The following THSD7A variants were observed in gnomAD, a reference collection of about 807,000 sequenced individuals.
THSD7A encodes the protein thrombospondin type-1 domain-containing protein 7A.
In THSD7A, 96 loss-of-function variants were observed where a neutral mutation model predicts 231.3. The observed-to-expected ratio is 0.41, with a 90% CI of 0.35 to 0.49. THSD7A has a LOEUF of 0.49. Ranked by LOEUF, THSD7A falls within the 20% of genes least tolerant of loss-of-function variation. THSD7A has a pLI of 0.05. For missense variants in THSD7A, 2,290 were observed against 2,070.2 expected, an observed-to-expected ratio of 1.11 and a Z score of -2.06; for synonymous variants, 940 against 743.3, an observed-to-expected ratio of 1.26 and a Z score of -4.30.
At chr7:11,622,370 T>G (rs931745918) in intron 2 of THSD7A, among the ~76,000 whole-genome samples, 1 of 152,218 alleles carries the variant, frequency 6.6e-6, no homozygotes, top group East Asian at 1.9e-4. Flanking sequence ...TTATTATTAA[T>G]AAAATTCATG....
At chr7:11,565,388 C>G (rs83) in intron 4 of THSD7A, among the ~76,000 whole-genome samples, 90,775 of 152,022 alleles carry the variant, frequency 0.6, 27,393 homozygotes, top group Middle Eastern at 0.71. Context: ...CACAGACTGT[C>G]GCTTAAACAC....
chr7:11,675,787 C>A (rs923863448), intron 1 of THSD7A, among the ~76,000 whole-genome samples: 3 of 152,184 alleles, frequency 2.0e-5, no homozygotes, highest in African/African-American at 7.2e-5. Flanking sequence ...AGATAAAACT[C>A]CCATCTCCCT....
chr7:11,495,625 T>C (rs1039386348), intron 6 of THSD7A, among the ~76,000 whole-genome samples: 1 of 152,114 alleles, frequency 6.6e-6, no homozygotes. Context: ...TAGAAGCCAT[T>C]ACAAAATCAA....
In THSD7A at chr7:11,705,964, A is replaced by G. The variant is rs192649028; in HGVS notation, c.191-69003T>C. Among the ~76,000 whole-genome samples, 13 of 151,138 alleles carry G rather than the reference A, an allele frequency of 8.6e-5. No individual in the cohort carries two copies. In the East Asian group the frequency reaches 2.6e-3, roughly 30 times the overall value. On this transcript the variant is annotated intron_variant, in intron 1 of 27. Coordinates refer to ENST00000423059, the MANE Select transcript of THSD7A (RefSeq NM_015204.3). ...ATAACAATAATAAATTCATATAATT[A>G]TAAATAATAGCATTTCTGTTATAGT... is the stretch of plus-strand genomic sequence containing the variant.
Position 11,542,916 on chromosome 7 carries a change from A to G in THSD7A, c.1609+46T>C, listed in dbSNP as rs151208962. Reference sequence around the variant, plus strand: ...CATTTTAAAAATAATTCATGATTTGATACAATTGGTGGGTATAAAAGGCAT... The same window carrying G: ...CATTTTAAAAATAATTCATGATTTGGTACAATTGGTGGGTATAAAAGGCAT... On this transcript the variant is annotated intron_variant, in intron 5 of 27. Transcript: ENST00000423059. 22 of 1,560,230 alleles carry G rather than the reference A, an allele frequency of 1.4e-5. No individual in the cohort carries two copies. The African/African-American group carries it at 2.5e-4, about 17-fold the overall frequency.
At chr7:11,562,957 T>C (rs949677208) in intron 4 of THSD7A, among the ~76,000 whole-genome samples, 7 of 152,232 alleles carry the variant, frequency 4.6e-5, no homozygotes, top group African/African-American at 1.7e-4. Flanking sequence ...GAAGGTTCTA[T>C]GGATGATTTG....
At position 11,615,697 on chromosome 7, in the gene THSD7A, CCTTTT is replaced by C. The variant is rs1251169892; in HGVS notation, c.1022+20428_1022+20432del. On this transcript the variant is annotated intron_variant, in intron 2 of 27. Transcript: ENST00000423059. Reference sequence around the variant, plus strand: ...TCCCTTCTATAGTACAAGAGCACAACCTTTTCTTTTAATTGCCAATTTCCAATGAC... The same window carrying C: ...TCCCTTCTATAGTACAAGAGCACAACCTTTTAATTGCCAATTTCCAATGAC... 1.2e-4 allele frequency among the ~76,000 whole-genome samples: 19 copies of C among 152,066 alleles called. 1 individual carries two copies. The highest frequency in any genetic ancestry group is 7.9e-4 in the Admixed American group (12 of 15,250).
At chr7:11,819,744 A>C (rs1159159490) in intron 1 of THSD7A, among the ~76,000 whole-genome samples, 1 of 152,180 alleles carries the variant, frequency 6.6e-6, no homozygotes, top group Non-Finnish European at 1.5e-5. Context: ...GTGGATAAAT[A>C]TCTCTACATA....
chr7:11,824,595 T>C (rs1006922057), intron 1 of THSD7A, among the ~76,000 whole-genome samples: 2 of 152,262 alleles, frequency 1.3e-5, no homozygotes, highest in East Asian at 1.9e-4. Context: ...CCTAAGTTAC[T>C]CCAGTTTCAC....
In THSD7A at chr7:11,446,418, C is replaced by T; in HGVS notation, c.2801-94G>A. 7.3e-7 allele frequency: 1 copy of T among 1,378,106 alleles called. No homozygotes were observed. Among genetic ancestry groups the T allele is most frequent in the South Asian group, 1.4e-5 (1 of 70,662 alleles). 85.4% of individuals were successfully genotyped at this position (1,378,106 alleles called of 1,614,324 possible). On this transcript the variant is annotated intron_variant, in intron 12 of 27. Transcript: ENST00000423059. This position sits in a 1 kb window ranked among gnomAD's most constrained non-coding sequence, Gnocchi z 4.0. ...TTTTCTGCTTTCCTAATTTCTTTTT[C>T]TTCATTTTTAACCATATTTAACAGT...
At chr7:11,497,400 G>A (rs547024308) in intron 6 of THSD7A, among the ~76,000 whole-genome samples, 231 of 152,236 alleles carry the variant, frequency 1.5e-3, no homozygotes, top group African/African-American at 5.3e-3. Flanking sequence ...TGGTGCATCT[G>A]TCAAATATAA....
chr7:11,604,837 C>A (rs1037794381), intron 2 of THSD7A, among the ~76,000 whole-genome samples: 15 of 151,938 alleles, frequency 9.9e-5, no homozygotes, highest in Admixed American at 9.8e-4. Flanking sequence ...CAGACAGATG[C>A]AGAAGTAAAG....
rs563485493 is a variant in THSD7A at position 11,484,119 on chromosome 7, C to G, written c.1823-2137G>C. Among the ~76,000 whole-genome samples, 8 of 151,920 alleles carry G rather than the reference C, an allele frequency of 5.3e-5. No homozygotes were observed. The South Asian group carries it at 1.7e-3, about 32-fold the overall frequency. ...CTTTCCTGTAGGATCACTCCTTCTACCACCCTTAATCCTCTGTGGAGCTAT... is the reference window on the plus strand; with the variant it reads ...CTTTCCTGTAGGATCACTCCTTCTAGCACCCTTAATCCTCTGTGGAGCTAT... On this transcript the variant is annotated intron_variant, in intron 6 of 27. Transcript: ENST00000423059.
intron 4 of THSD7A, among the ~76,000 whole-genome samples, chr7:11,575,455 T>C (rs879761748): frequency 2.0e-5 from 3 of 152,204 alleles, no homozygotes; most frequent in Non-Finnish European, 4.4e-5. Context: ...GATAATATTT[T>C]ATTCAAGATT....
chr7:11,744,901 A>G (rs557185066), intron 1 of THSD7A, among the ~76,000 whole-genome samples: 2 of 152,236 alleles, frequency 1.3e-5, no homozygotes, highest in East Asian at 3.9e-4. Context: ...CACAATAAGC[A>G]CACATGTGCA....
chr7:11,448,776 C>T (rs1418870072), intron 11 of THSD7A, among the ~76,000 whole-genome samples: 1 of 152,058 alleles, frequency 6.6e-6, no homozygotes, highest in African/African-American at 2.4e-5. Flanking sequence ...ATAAAAGGCC[C>T]TTCTAAATTG....
intron 1 of THSD7A, among the ~76,000 whole-genome samples, chr7:11,678,338 T>G (rs746208456): frequency 1.3e-5 from 2 of 151,726 alleles, no homozygotes; most frequent in Non-Finnish European, 2.9e-5. Context: ...AAGAAATAAC[T>G]AAGATCAGAG....
chr7:11,728,449 G>C (rs1781618692), intron 1 of THSD7A, among the ~76,000 whole-genome samples: 1 of 151,874 alleles, frequency 6.6e-6, no homozygotes, highest in Non-Finnish European at 1.5e-5. Context: ...AAAGTATATA[G>C]AAAACATGAA....
chr7:11,660,549 G>C (rs1161293440), intron 1 of THSD7A, among the ~76,000 whole-genome samples: 1 of 151,118 alleles, frequency 6.6e-6, no homozygotes, highest in Non-Finnish European at 1.5e-5. Flanking sequence ...AAAATATACA[G>C]AAACACATAC....
Sources: gnomAD v4.1 joint callset for allele counts (sites outside exome capture counted in the v4.1 genomes callset) on GRCh38, gnomAD v4.1.1 for gene constraint, Gnocchi (gnomAD v3.1) non-coding constraint, MANE v1.5 for transcripts, NCBI Gene and HGNC (gene_info 2026-07-23, HGNC 2026-07-21) for gene names.